SOX5: variants seen among roughly 807,000 people sequenced by gnomAD.
SOX5 encodes the protein transcription factor SOX-5.
Under a neutral mutation model 92.0 loss-of-function variants are expected in SOX5, and 9 were observed. That is an observed-to-expected ratio of 0.10 (90% CI 0.06 to 0.17). The LOEUF (loss-of-function observed/expected upper bound fraction) is 0.17, where lower values mean the gene tolerates loss of function less well. Among genes scored for constraint, SOX5 ranks in the 10% least tolerant of loss-of-function variants. The probability of loss-of-function intolerance (pLI) is 1.00; values close to 1 mark genes in which losing one functional copy is unlikely to be tolerated. For synonymous variants in SOX5, 344 were observed against 336.3 expected, an observed-to-expected ratio of 1.02 and a Z score of -0.25; for missense variants, 642 against 944.5, an observed-to-expected ratio of 0.68 and a Z score of 4.20.
intron 2 of SOX5, among the ~76,000 whole-genome samples, chr12:24,353,472 CT>C (rs1954373546): frequency 6.6e-6 from 1 of 152,118 alleles, no homozygotes; most frequent in African/African-American, 2.4e-5. Context: ...AAGTTTGAAG[CT>C]AGGAGTTCAG....
At chr12:24,031,612 T>A (rs573695883) in intron 4 of SOX5, among the ~76,000 whole-genome samples, 3 of 151,972 alleles carry the variant, frequency 2.0e-5, no homozygotes, top group African/African-American at 7.2e-5. Flanking sequence ...GTACACTAGT[T>A]TCTAACTTAC....
intron 2 of SOX5, among the ~76,000 whole-genome samples, chr12:24,311,986 A>G (rs1234873873): frequency 6.6e-6 from 1 of 152,222 alleles, no homozygotes; most frequent in East Asian, 1.9e-4. Context: ...ATTCCCTTTA[A>G]AAGAAGTGAT....
At chr12:24,281,785 A>ATTAT (rs1945232619) in intron 2 of SOX5, among the ~76,000 whole-genome samples, 1 of 152,188 alleles carries the variant, frequency 6.6e-6, no homozygotes, top group African/African-American at 2.4e-5. Flanking sequence ...TCTTTTTTAT[A>ATTAT]TTATTTCATT....
chr12:23,583,718 T>A (rs1950346208), intron 9 of SOX5, among the ~76,000 whole-genome samples: 1 of 152,132 alleles, frequency 6.6e-6, no homozygotes, highest in African/African-American at 2.4e-5. Flanking sequence ...AACCTCTAAA[T>A]GTAAATCTCC....
At chr12:24,190,360 G>A (rs771791612) in intron 4 of SOX5, among the ~76,000 whole-genome samples, 1 of 152,128 alleles carries the variant, frequency 6.6e-6, no homozygotes, top group Non-Finnish European at 1.5e-5. Context: ...ATCTTATCAA[G>A]GTAAAGGAGA....
At chr12:23,776,312 T>C (rs1214851063) in intron 3 of SOX5, among the ~76,000 whole-genome samples, 1 of 152,210 alleles carries the variant, frequency 6.6e-6, no homozygotes, top group African/African-American at 2.4e-5. Flanking sequence ...TATAGGAATG[T>C]AGAATTATGA....
At chr12:23,608,167 T>A (rs1196384780) in intron 8 of SOX5, among the ~76,000 whole-genome samples, 1 of 149,292 alleles carries the variant, frequency 6.7e-6, no homozygotes, top group African/African-American at 2.5e-5. Context: ...GAACACTCAT[T>A]TCATTAGTTT....
chr12:23,906,276 T>C (rs2097292349), intron 1 of SOX5, among the ~76,000 whole-genome samples: 2 of 152,258 alleles, frequency 1.3e-5, no homozygotes, highest in Non-Finnish European at 2.9e-5. Context: ...TAATCTAGCA[T>C]TAAGATCTGT....
chr12:23,664,011 A>C (rs2083429890), intron 7 of SOX5, among the ~76,000 whole-genome samples: 2 of 152,166 alleles, frequency 1.3e-5, no homozygotes, highest in African/African-American at 4.8e-5. Context: ...GAAAATCTCA[A>C]AGAGCAAAGC....
At chr12:23,783,383 T>A (rs999430997) in intron 3 of SOX5, among the ~76,000 whole-genome samples, 2 of 152,216 alleles carry the variant, frequency 1.3e-5, no homozygotes, top group Non-Finnish European at 2.9e-5. Flanking sequence ...GATGTACTGA[T>A]TCTGGGGGAA....
At chr12:24,374,228 T>G (rs547221365) in intron 1 of SOX5, among the ~76,000 whole-genome samples, 5 of 152,002 alleles carry the variant, frequency 3.3e-5, no homozygotes, top group Admixed American at 3.3e-4. Flanking sequence ...CACAAAGGAA[T>G]CCGCAGCCCT....
intron 1 of SOX5, among the ~76,000 whole-genome samples, chr12:24,459,048 ACT>A (rs965758765): frequency 2.0e-5 from 3 of 151,956 alleles, no homozygotes; most frequent in African/African-American, 7.3e-5. Flanking sequence ...CCCGACCAAA[ACT>A]CTATAAGCCA....
intron 7 of SOX5, among the ~76,000 whole-genome samples, chr12:23,646,316 A>AT (rs1315559988): frequency 6.6e-6 from 1 of 152,118 alleles, no homozygotes; most frequent in Non-Finnish European, 1.5e-5. Flanking sequence ...CTGGGACCAC[A>AT]TGCCCACACC....
chr12:23,865,900 G>A (rs539175344), intron 2 of SOX5, among the ~76,000 whole-genome samples: 26 of 152,250 alleles, frequency 1.7e-4, no homozygotes, highest in South Asian at 8.3e-4. Context: ...TGGGGCTCAA[G>A]ACTTCAGTGG....
chr12:24,346,838 TG>T (rs1953349000), intron 2 of SOX5, among the ~76,000 whole-genome samples: 1 of 149,438 alleles, frequency 6.7e-6, no homozygotes, highest in Non-Finnish European at 1.5e-5. Context: ...TGAGAACACT[TG>T]GACACAGGAA....
chr12:24,323,710 G>A (rs1469058902), intron 2 of SOX5, among the ~76,000 whole-genome samples: 1 of 152,012 alleles, frequency 6.6e-6, no homozygotes, highest in Non-Finnish European at 1.5e-5. Context: ...TGAATAGTGG[G>A]TAAAAAGGCC....
chr12:24,449,969 T>C (rs2137307463), intron 1 of SOX5, among the ~76,000 whole-genome samples: 1 of 152,276 alleles, frequency 6.6e-6, no homozygotes, highest in East Asian at 1.9e-4. Context: ...ACTACCTATC[T>C]TTAAGACCAA....
intron 1 of SOX5, among the ~76,000 whole-genome samples, chr12:24,459,256 C>A (rs1295358116): frequency 1.3e-5 from 2 of 152,126 alleles, no homozygotes; most frequent in African/African-American, 2.4e-5. Flanking sequence ...GCGCACGCTC[C>A]ATCAAGTGAT....
At chr12:23,603,356 T>C (rs1251743393) in intron 9 of SOX5, among the ~76,000 whole-genome samples, 3 of 150,762 alleles carry the variant, frequency 2.0e-5, no homozygotes, top group African/African-American at 7.3e-5. Flanking sequence ...TCTTACACTG[T>C]TTTGTTTTAG....
Sources: gnomAD v4.1 joint callset for allele counts (sites outside exome capture counted in the v4.1 genomes callset) on GRCh38, gnomAD v4.1.1 for gene constraint, MANE v1.5 for transcripts, NCBI Gene and HGNC (gene_info 2026-07-23, HGNC 2026-07-21) for gene names.